TCF12: variants seen among roughly 807,000 people sequenced by gnomAD.
The protein encoded by TCF12 is DNA-binding protein HTF4.
In TCF12, 45 loss-of-function variants were observed where a neutral mutation model predicts 86.0. The ratio of observed to expected loss-of-function variants is 0.52; its 90% confidence interval spans 0.41 to 0.67. TCF12 has a LOEUF of 0.67. Ranked by LOEUF, TCF12 falls within the 30% of genes least tolerant of loss-of-function variation. The pLI is 0.00. For synonymous variants in TCF12, 330 were observed against 299.6 expected (o/e 1.10, Z -1.05); for missense variants, 881 against 859.9 (o/e 1.02, Z -0.31).
At chr15:56,922,478 G>A (rs1161455225) in intron 3 of TCF12, among the ~76,000 whole-genome samples, 4 of 151,974 alleles carry the variant, frequency 2.6e-5, no homozygotes, top group African/African-American at 9.7e-5. Flanking sequence ...TATGTAGTCT[G>A]TGAAATTAAA....
At chr15:57,274,146 A>G (rs1420305497) in intron 19 of TCF12, among the ~76,000 whole-genome samples, 3 of 152,196 alleles carry the variant, frequency 2.0e-5, no homozygotes, top group Non-Finnish European at 2.9e-5. Context: ...TCTCAGAGCA[A>G]TTCTTTCGAT....
chr15:56,921,445 C>T (rs2059788774), intron 3 of TCF12, among the ~76,000 whole-genome samples: 1 of 151,974 alleles, frequency 6.6e-6, no homozygotes, highest in Non-Finnish European at 1.5e-5. Flanking sequence ...TAAAGTAGAT[C>T]TACACACTAG....
chr15:57,205,238 G>C (rs1242049495), intron 8 of TCF12, among the ~76,000 whole-genome samples: 1 of 152,080 alleles, frequency 6.6e-6, no homozygotes, highest in Non-Finnish European at 1.5e-5. Flanking sequence ...TAGAGGTTGA[G>C]ATTGCAGTGA....
chr15:57,190,244 A>G (rs1200440946), intron 6 of TCF12, among the ~76,000 whole-genome samples: 2 of 152,192 alleles, frequency 1.3e-5, no homozygotes, highest in African/African-American at 4.8e-5. Context: ...TATAAATTCC[A>G]CCTCAACTTT....
At chr15:57,237,368 G>A (rs1003066624) in intron 12 of TCF12, among the ~76,000 whole-genome samples, 5 of 152,158 alleles carry the variant, frequency 3.3e-5, no homozygotes, top group Non-Finnish European at 5.9e-5. Context: ...CAGTTCCGGG[G>A]TTGGGCTTGG....
In TCF12 at chr15:56,949,268, G is replaced by C. The variant is rs560307390; in HGVS notation, c.148+28170G>C. ...TTTTAGGAATATGTCTTAATGTGCAGTTTTATCCCAGTAATTAAAAAAAGT... is the reference window on the plus strand; with the variant it reads ...TTTTAGGAATATGTCTTAATGTGCACTTTTATCCCAGTAATTAAAAAAAGT... On this transcript the variant is annotated intron_variant, in intron 3 of 20. Transcript: ENST00000333725. 1.4e-3 allele frequency among the ~76,000 whole-genome samples: 211 copies of C among 152,262 alleles called. 1 individual carries two copies. Among genetic ancestry groups the C allele is most frequent in the Non-Finnish European group, 2.4e-3 (164 of 68,008 alleles).
chr15:57,273,857 G>A (rs145734874), intron 19 of TCF12, among the ~76,000 whole-genome samples: 1 of 152,094 alleles, frequency 6.6e-6, no homozygotes. Context: ...AGCTCACCCA[G>A]TGCTGACTCA....
In TCF12 at chr15:57,063,791, G is replaced by C. The variant is rs149566552; in HGVS notation, c.190G>C (p.Gly64Arg). 6 of 1,601,944 alleles carry C rather than the reference G, an allele frequency of 3.7e-6. No homozygotes were observed. In the Admixed American group the frequency reaches 5.0e-5, roughly 13 times the overall value. ...AGGTACAACATCTTGGGGAACAAGT[G>C]GTCAACCAAGTCCTTCCTATGATTC... ...RGGTTSWGTS[G>R]QPSPSYDSSR... The change falls in exon 4 of 21, where the codon GGT becomes CGT. Residue 64 changes from glycine (G) to arginine (R), a missense_variant. Gly to Arg is a moderately radical substitution (Grantham distance 125). This residue lies in a region of TCF12 where 766 missense variants were observed against 718.9 expected (regional missense o/e 1.07). Coordinates refer to ENST00000333725, the MANE Select transcript of TCF12 (RefSeq NM_207037.2).
chr15:57,247,234 ACCATCACCTCCAAAACCATTATATCCG>A (rs1597608963), intron 13 of TCF12: 16 of 630,336 alleles, frequency 2.5e-5, no homozygotes, highest in East Asian at 2.1e-4. Flanking sequence ...CATAGTTGCC[ACCATCACCTCCAAAACCATTATATCCG>A]CCATCACCTC....
At chr15:57,273,893 C>T (rs2061260265) in intron 19 of TCF12, among the ~76,000 whole-genome samples, 1 of 152,182 alleles carries the variant, frequency 6.6e-6, no homozygotes, top group Non-Finnish European at 1.5e-5. Context: ...AAGTTTGTTG[C>T]AGTTTTGAAG....
At chr15:57,242,897 C>G (rs2059696105) in intron 12 of TCF12, among the ~76,000 whole-genome samples, 1 of 152,172 alleles carries the variant, frequency 6.6e-6, no homozygotes. Context: ...TCACTTTCTT[C>G]AAGGATGACA....
intron 8 of TCF12, among the ~76,000 whole-genome samples, chr15:57,207,736 G>A (rs1168114261): frequency 6.6e-6 from 1 of 152,138 alleles, no homozygotes; most frequent in Non-Finnish European, 1.5e-5. Flanking sequence ...TTTCTGACTT[G>A]AGCTTGACAA....
intron 5 of TCF12, among the ~76,000 whole-genome samples, chr15:57,100,944 G>T (rs904308840): frequency 1.3e-5 from 2 of 151,980 alleles, no homozygotes; most frequent in East Asian, 3.9e-4. Flanking sequence ...AGTTATATAG[G>T]TTTTTTTACT....
chr15:57,066,879 A>G (rs1254777952), intron 4 of TCF12, among the ~76,000 whole-genome samples: 2 of 152,184 alleles, frequency 1.3e-5, no homozygotes, highest in African/African-American at 4.8e-5. Flanking sequence ...CTTATTCTTT[A>G]TTTAATAGCT....
intron 2 of TCF12, among the ~76,000 whole-genome samples, chr15:56,920,661 T>C (rs1179253250): frequency 6.6e-6 from 1 of 152,146 alleles, no homozygotes. Flanking sequence ...TAATCCTTAC[T>C]GTATGTAGTA....
At chr15:57,154,779 A>C (rs944126827) in intron 5 of TCF12, among the ~76,000 whole-genome samples, 23 of 152,178 alleles carry the variant, frequency 1.5e-4, no homozygotes, top group African/African-American at 5.1e-4. Flanking sequence ...TTTCCTTTAA[A>C]TTCTTTGCCT....
intron 3 of TCF12, among the ~76,000 whole-genome samples, chr15:56,996,849 G>A (rs2063743031): frequency 6.6e-6 from 1 of 152,136 alleles, no homozygotes; most frequent in South Asian, 2.1e-4. Flanking sequence ...AGACATACAA[G>A]TAGCCAACAA....
chr15:56,960,726 G>A (rs552156733), intron 3 of TCF12, among the ~76,000 whole-genome samples: 5 of 150,912 alleles, frequency 3.3e-5, no homozygotes, highest in South Asian at 2.2e-4. Flanking sequence ...CACCATGCCC[G>A]GCCTACTGTA....
intron 5 of TCF12, among the ~76,000 whole-genome samples, chr15:57,147,853 G>C (rs1176957798): frequency 2.7e-5 from 4 of 148,376 alleles, no homozygotes; most frequent in Non-Finnish European, 6.0e-5. Flanking sequence ...TACTGGCCAA[G>C]TTTCATTATC....
Sources: gnomAD v4.1 joint callset for allele counts (sites outside exome capture counted in the v4.1 genomes callset) on GRCh38, gnomAD v4.1.1 for gene constraint, gnomAD v4.1.1 regional missense constraint, MANE v1.5 for transcripts, NCBI Gene and HGNC (gene_info 2026-07-23, HGNC 2026-07-21) for gene names.